Variants in PLCL1 observed in about 807,000 individuals in gnomAD.
PLCL1 encodes the protein phospholipase C like 1 (inactive), also known as inactive phospholipase C-like protein 1.
A neutral mutation model predicts 84.4 loss-of-function variants in PLCL1; 41 were observed. That is an observed-to-expected ratio of 0.49 (90% CI 0.38 to 0.63). The LOEUF (loss-of-function observed/expected upper bound fraction) is 0.63. Ranked by LOEUF, PLCL1 falls within the 30% of genes least tolerant of loss-of-function variation. The pLI, the probability that PLCL1 is intolerant of heterozygous loss-of-function variation, is 0.00. For missense variants in PLCL1, 1,206 were observed against 1,367.8 expected (o/e 0.88, Z 1.87); for synonymous variants, 490 against 488.3 (o/e 1.00, Z -0.05).
chr2:198,035,477 TTTTG>T (rs949879422), intron 1 of PLCL1, among the ~76,000 whole-genome samples: 16 of 152,306 alleles, frequency 1.1e-4, no homozygotes, highest in African/African-American at 3.1e-4. Flanking sequence ...TGTTTTTTGT[TTTTG>T]TTTGTTTGTT....
Position 198,053,436 on chromosome 2 carries a change from C to G in PLCL1, c.241-30322C>G, listed in dbSNP as rs370770797. On this transcript the variant is annotated intron_variant, in intron 1 of 5. Coordinates refer to ENST00000428675, the MANE Select transcript of PLCL1 (RefSeq NM_006226.4). ...TGTGGTTCCAGCTTTTTCCATGACT[C>G]TGGCCCTTTGGTGCTGGTAATACCA... Among the ~76,000 whole-genome samples the G allele has an allele frequency of 1.1e-4, 16 of 152,320 alleles. 1 individual carries two copies. The highest frequency in any genetic ancestry group is 3.8e-4 in the African/African-American group (16 of 41,584).
chr2:197,808,413 A>C (rs190370823), intron 1 of PLCL1, among the ~76,000 whole-genome samples: 13 of 152,292 alleles, frequency 8.5e-5, no homozygotes, highest in Admixed American at 7.2e-4. Context: ...TTGATATCAA[A>C]CTTATAGCAT....
chr2:197,835,493 T>G (rs1460214700), intron 1 of PLCL1, among the ~76,000 whole-genome samples: 1 of 152,186 alleles, frequency 6.6e-6, no homozygotes, highest in African/African-American at 2.4e-5. Flanking sequence ...GCAACCATCG[T>G]TATACTTTCT....
intron 5 of PLCL1, among the ~76,000 whole-genome samples, chr2:198,123,806 G>C (rs1186140983): frequency 6.6e-6 from 1 of 152,010 alleles, no homozygotes; most frequent in Non-Finnish European, 1.5e-5. Flanking sequence ...TGCATGTGAG[G>C]AATCTAGGTT....
chr2:198,053,064 G>A (rs1422542844), intron 1 of PLCL1, among the ~76,000 whole-genome samples: 1 of 152,202 alleles, frequency 6.6e-6, no homozygotes, highest in African/African-American at 2.4e-5. Flanking sequence ...GTTCTAGCCT[G>A]GGCTGCAGGA....
rs1370287831 is a variant in PLCL1 at position 198,084,409 on chromosome 2, G to T, written c.892G>T (p.Val298Leu). Residue 298 changes from valine to leucine, a missense_variant, in exon 2 of 6, where the codon GTG becomes TTG. Val to Leu is a conservative substitution (Grantham distance 32, BLOSUM62 1). Transcript: ENST00000428675. ...QKSKEKLTTR[V>L]TEEEFCEAFC... ...GAGCAAGGAAAAACTAACCACCCGCGTGACCGAAGAGGAATTTTGTGAAGC... is the reference window on the plus strand; with the variant it reads ...GAGCAAGGAAAAACTAACCACCCGCTTGACCGAAGAGGAATTTTGTGAAGC... 6.2e-7 allele frequency: 1 copy of T among 1,614,160 alleles called. No individual in the cohort carries two copies. Among genetic ancestry groups the T allele is most frequent in the Non-Finnish European group, 8.5e-7 (1 of 1,180,004 alleles).
At chr2:198,044,440 T>G (rs531183312) in intron 1 of PLCL1, among the ~76,000 whole-genome samples, 1 of 152,198 alleles carries the variant, frequency 6.6e-6, no homozygotes, top group African/African-American at 2.4e-5. Context: ...TTGAACTATA[T>G]AAAGAACTTT....
chr2:197,867,491 T>C (rs146417058), intron 1 of PLCL1, among the ~76,000 whole-genome samples: 3 of 152,234 alleles, frequency 2.0e-5, no homozygotes, highest in African/African-American at 7.2e-5. Flanking sequence ...AAAATTAGCA[T>C]CTGATGATTT....
intron 1 of PLCL1, among the ~76,000 whole-genome samples, chr2:197,866,913 G>A (rs1374395267): frequency 1.3e-5 from 2 of 152,116 alleles, no homozygotes; most frequent in South Asian, 2.1e-4. Flanking sequence ...GGCGATCATC[G>A]TTTGGGAATT....
chr2:198,020,644 A>G (rs1559076296), intron 1 of PLCL1, among the ~76,000 whole-genome samples: 2 of 152,236 alleles, frequency 1.3e-5, no homozygotes, highest in African/African-American at 4.8e-5. Flanking sequence ...ATCAAAAAAG[A>G]AAAAGAAGGG....
chr2:198,077,391 G>T (rs1384941700), intron 1 of PLCL1, among the ~76,000 whole-genome samples: 1 of 152,078 alleles, frequency 6.6e-6, no homozygotes, highest in East Asian at 1.9e-4. Context: ...TCTTGCCCAA[G>T]TTAGCAGTAA....
At chr2:198,086,948 G>A (rs1199003685) in intron 2 of PLCL1, among the ~76,000 whole-genome samples, 1 of 152,066 alleles carries the variant, frequency 6.6e-6, no homozygotes, top group East Asian at 1.9e-4. Context: ...GAAAGAATTT[G>A]AAGTGATATA....
At chr2:197,963,947 A>G (rs1043799818) in intron 1 of PLCL1, among the ~76,000 whole-genome samples, 4 of 152,028 alleles carry the variant, frequency 2.6e-5, no homozygotes, top group Non-Finnish European at 4.4e-5. Flanking sequence ...CCATTAGTCT[A>G]TGTATCTGTT....
chr2:197,813,007 G>T (rs560874172), intron 1 of PLCL1, among the ~76,000 whole-genome samples: 1 of 152,086 alleles, frequency 6.6e-6, no homozygotes, highest in Admixed American at 6.5e-5. Flanking sequence ...CGATGATGAG[G>T]GTGCGCACAC....
At chr2:198,046,457 T>C (rs1330012298) in intron 1 of PLCL1, among the ~76,000 whole-genome samples, 1 of 152,158 alleles carries the variant, frequency 6.6e-6, no homozygotes, top group African/African-American at 2.4e-5. Flanking sequence ...GATTTCTGCT[T>C]TGAAAAATTT....
At chr2:197,951,294 C>G (rs913986560) in intron 1 of PLCL1, among the ~76,000 whole-genome samples, 12 of 152,310 alleles carry the variant, frequency 7.9e-5, no homozygotes, top group Middle Eastern at 3.4e-3. Flanking sequence ...ACAGCACTCT[C>G]TTCCCTTTGG....
Position 197,805,321 on chromosome 2 carries a change from G to A in PLCL1, c.222G>A (p.Arg74=). The A allele has an allele frequency of 7.6e-7, 1 of 1,315,962 alleles. No individual in the cohort carries two copies. The highest frequency in any genetic ancestry group is 2.2e-4 in the Middle Eastern group (1 of 4,616). 81.5% of individuals were successfully genotyped at this position (1,315,962 alleles called of 1,614,324 possible). A position where few individuals can be genotyped will look rare whatever the true frequency, so the allele number is the denominator to read the frequency against. Residue 74 remains arginine (R), a synonymous_variant, in exon 1 of 6, where the codon CGG becomes CGA. Transcript: ENST00000428675. The surrounding 1 kb of genome is among the most constrained non-coding windows in gnomAD (Gnocchi z 4.0). ...GLLEAARATP[R]RSSIIKDPSN... ...TGGAGGCAGCACGGGCGACCCCCCG[G>A]CGCAGCAGCATCATCAAGGTAAGCA...
intron 1 of PLCL1, among the ~76,000 whole-genome samples, chr2:197,806,421 C>T (rs700664): frequency 0.73 from 110,541 of 152,126 alleles, 41,204 homozygotes; most frequent in African/African-American, 0.9. Context: ...CAGTGCATCA[C>T]GCATGTTGCA....
chr2:197,817,471 G>A (rs1308721951), intron 1 of PLCL1, among the ~76,000 whole-genome samples: 1 of 151,978 alleles, frequency 6.6e-6, no homozygotes. Context: ...TAGAGATGGG[G>A]GTTTTGCTGT....
Sources: gnomAD v4.1 joint callset for allele counts (sites outside exome capture counted in the v4.1 genomes callset) on GRCh38, gnomAD v4.1.1 for gene constraint, Gnocchi (gnomAD v3.1) non-coding constraint, MANE v1.5 for transcripts, NCBI Gene and HGNC (gene_info 2026-07-23, HGNC 2026-07-21) for gene names.